Variants in CHD1 observed in about 807,000 individuals in gnomAD.
CHD1 encodes chromodomain helicase DNA binding protein 1.
Under a neutral mutation model 224.2 loss-of-function variants are expected in CHD1, and 36 were observed. The observed-to-expected ratio is 0.16, with a 90% CI of 0.12 to 0.21. CHD1 has a LOEUF of 0.21. CHD1 is among the 10% of genes least tolerant of loss of function. CHD1 has a pLI of 1.00. For synonymous variants in CHD1, 668 were observed against 658.3 expected (o/e 1.01, Z -0.23); for missense variants, 1,378 against 1,994.8 (o/e 0.69, Z 5.89).
At chr5:98,858,599 C>A in intron 34 of CHD1, 1 of 514,212 alleles carries the variant, frequency 1.9e-6, no homozygotes, top group Non-Finnish European at 3.4e-6. Context: ...GTCACAAAAA[C>A]TAAAAAATAT....
At chr5:98,926,259 C>T in intron 2 of CHD1, 75 bp downstream of exon 2, 1 of 895,854 alleles carries the variant, frequency 1.1e-6, no homozygotes, top group Non-Finnish European at 1.7e-6. Flanking sequence ...TAAATAACAA[C>T]AATAACAATA....
intron 30 of CHD1, chr5:98,869,180 G>T: frequency 2.1e-6 from 2 of 968,122 alleles, no homozygotes; most frequent in Non-Finnish European, 2.5e-6. Context: ...CTTTTCTTCT[G>T]GTTCCTTCTT....
chr5:98,872,034 C>G lies in CHD1; in HGVS notation c.3861+17G>C, dbSNP rs746535245. 6.4e-7 allele frequency: 1 copy of G among 1,569,286 alleles called. No homozygotes were observed. The highest frequency in any genetic ancestry group is 1.2e-5 in the South Asian group (1 of 84,466). ...ATTCAACATGAATGGTTAACAGAAT[C>G]AGAAATAGATAAATACCTTGTGTGT... On this transcript the variant is annotated intron_variant, in intron 28 of 35. Coordinates refer to ENST00000614616, the MANE Select transcript of CHD1 (RefSeq NM_001270.4).
intron 31 of CHD1, among the ~76,000 whole-genome samples, chr5:98,867,305 A>T (rs573820592): frequency 8.5e-5 from 13 of 152,222 alleles, no homozygotes; most frequent in Non-Finnish European, 1.5e-4. Flanking sequence ...ATTTGACAAG[A>T]GATATTGCCA....
chr5:98,904,833 A>T, intron 3 of CHD1, 64 bp downstream of exon 3: 1 of 1,375,240 alleles, frequency 7.3e-7, no homozygotes, highest in Non-Finnish European at 1.0e-6. Context: ...GTATAAACCA[A>T]TCCTCTAAAT....
At position 98,888,266 on chromosome 5, in the gene CHD1, A is replaced by G. The variant is rs2112446120; in HGVS notation, c.2344-26T>C. The stretch of plus-strand genomic sequence containing the variant: ...CTACAGAAACAATTCAAGTTGTTAT[A>G]TGTTAAAAGACATAAATGGTAAGTT... On this transcript the variant is annotated intron_variant, in intron 16 of 35. Coordinates refer to ENST00000614616, the MANE Select transcript of CHD1 (RefSeq NM_001270.4). 2.6e-6 allele frequency: 4 copies of G among 1,560,588 alleles called. No homozygotes were observed. The East Asian group carries it at 9.1e-5, about 35-fold the overall frequency.
intron 15 of CHD1, among the ~76,000 whole-genome samples, chr5:98,891,167 G>T (rs1750998683): frequency 6.6e-6 from 1 of 152,108 alleles, no homozygotes. Flanking sequence ...TCTGCCTCAT[G>T]GGCTCAAGCG....
In CHD1 at chr5:98,889,141, T is replaced by C; in HGVS notation, c.2278A>G (p.Asn760Asp). The change falls in exon 16 of 36, where the codon AAC becomes GAC. Residue 760 changes from asparagine (N) to aspartate (D), a missense_variant. Asn to Asp is a conservative substitution (Grantham distance 23, BLOSUM62 1). This residue lies in a region of CHD1 where 58 missense variants were observed against 90.0 expected (regional missense o/e 0.64). Transcript: ENST00000614616. ...NIMMELKKCC[N>D]HCYLIKPPDN... ...GGTGGTTTAATGAGGTAGCAATGGT[T>C]ACAACATTTCTTTAGCTCCATCATA... 4.4e-6 allele frequency: 7 copies of C among 1,607,578 alleles called. No homozygotes were observed. Among genetic ancestry groups the C allele is most frequent in the Non-Finnish European group, 6.0e-6 (7 of 1,174,358 alleles).
chr5:98,914,889 C>A (rs1267452851), intron 2 of CHD1, among the ~76,000 whole-genome samples: 1 of 151,926 alleles, frequency 6.6e-6, no homozygotes, highest in East Asian at 1.9e-4. Context: ...ATACATATAT[C>A]TCTCCTAACT....
At position 98,876,416 on chromosome 5, in the gene CHD1, C is replaced by T. The variant is rs199700859; in HGVS notation, c.3380G>A (p.Ser1127Asn). The part of the protein sequence containing the change: ...TIPRENIKGF[S>N]DAEIRRFIKS... ...ACCTTACCGCCTAATTTCTGCATCA[C>T]TAAATCCTTTAATATTCTCCCGAGG... Residue 1127 changes from serine to asparagine, a missense_variant, in exon 24 of 36, where the codon AGT becomes AAT. Physicochemically the swap from Ser to Asn is conservative, Grantham distance 46. Coordinates refer to ENST00000614616, the MANE Select transcript of CHD1 (RefSeq NM_001270.4). 1.4e-4 allele frequency: 227 copies of T among 1,613,926 alleles called. 1 individual carries two copies. In the South Asian group the frequency reaches 2.2e-3, roughly 15 times the overall value.
chr5:98,896,979 T>C (rs1283734393), intron 11 of CHD1, among the ~76,000 whole-genome samples: 2 of 152,092 alleles, frequency 1.3e-5, no homozygotes, highest in African/African-American at 4.8e-5. Flanking sequence ...TAAAAACATA[T>C]TTTAAAAAGG....
intron 7 of CHD1, 49 bp from the exon 8 acceptor site, chr5:98,899,754 G>A (rs1751572416): frequency 7.5e-7 from 1 of 1,341,134 alleles, no homozygotes; most frequent in Non-Finnish European, 1.0e-6. Context: ...TCTGTTGTAG[G>A]ATTATATTTC....
At chr5:98,865,510 T>G (rs1258591819) in intron 31 of CHD1, among the ~76,000 whole-genome samples, 1 of 152,184 alleles carries the variant, frequency 6.6e-6, no homozygotes, top group East Asian at 1.9e-4. Context: ...GCAATAGTAT[T>G]TAATCTATTT....
rs892423792 is a variant in CHD1 at position 98,885,753 on chromosome 5, C to A, written c.2497-104G>T. 42 of 703,852 alleles carry A rather than the reference C, an allele frequency of 6.0e-5. No individual in the cohort carries two copies. The Admixed American group carries it at 6.9e-4, about 12-fold the overall frequency. The allele number at this position is 703,852 out of a possible 1,614,324, so 43.6% of individuals were successfully genotyped here. ...GTAGAAATGTGAAGCATGTCCTTTG[C>A]TAAAACTATAATAGAAAGTACTTAC... On this transcript the variant is annotated intron_variant, in intron 17 of 35. Transcript: ENST00000614616.
At chr5:98,867,868 T>C (rs1424167384) in intron 31 of CHD1, among the ~76,000 whole-genome samples, 1 of 139,718 alleles carries the variant, frequency 7.2e-6, no homozygotes, top group African/African-American at 2.6e-5. Context: ...AATGGTGCAA[T>C]CTCAGCTCAC....
chr5:98,883,842 TA>T (rs1561507311), intron 18 of CHD1: 71 of 48,526 alleles, frequency 1.5e-3, no homozygotes, highest in Middle Eastern at 7.5e-3. Context: ...TATATATATA[TA>T]TATATATATA....
intron 2 of CHD1, among the ~76,000 whole-genome samples, chr5:98,905,721 A>G (rs1249470899): frequency 6.6e-6 from 1 of 152,228 alleles, no homozygotes; most frequent in Non-Finnish European, 1.5e-5. Context: ...ATCTGTAGCA[A>G]TAAATCTGAA....
chr5:98,899,302 A>G (rs1428132820), intron 8 of CHD1, among the ~76,000 whole-genome samples, 178 bp downstream of exon 8: 1 of 152,196 alleles, frequency 6.6e-6, no homozygotes, highest in African/African-American at 2.4e-5. Flanking sequence ...GAATACTTTC[A>G]ATCCATGGTT....
In CHD1 at chr5:98,883,316, A is replaced by T. The variant is rs1164268989; in HGVS notation, c.2569-79T>A. 4.0e-5 allele frequency: 36 copies of T among 894,814 alleles called. No individual in the cohort carries two copies. The Middle Eastern group carries it at 7.1e-4, about 18-fold the overall frequency. 55.4% of individuals were successfully genotyped at this position (894,814 alleles called of 1,614,324 possible). ...GTAAGCAGTATGGTACTAATTAAACAGAAAGGCAGTTTTTAAAACTAATAA... is the reference window on the plus strand; with the variant it reads ...GTAAGCAGTATGGTACTAATTAAACTGAAAGGCAGTTTTTAAAACTAATAA... On this transcript the variant is annotated intron_variant, in intron 18 of 35. Transcript: ENST00000614616.
Sources: gnomAD v4.1 joint callset for allele counts (sites outside exome capture counted in the v4.1 genomes callset) on GRCh38, gnomAD v4.1.1 for gene constraint, gnomAD v4.1.1 regional missense constraint, MANE v1.5 for transcripts, NCBI Gene and HGNC (gene_info 2026-07-23, HGNC 2026-07-21) for gene names.